The following RAB3GAP2 variants were observed in gnomAD, a reference collection of about 807,000 sequenced individuals.
RAB3GAP2 encodes rab3 GTPase-activating protein non-catalytic subunit.
A neutral mutation model predicts 185.3 loss-of-function variants in RAB3GAP2; 87 were observed. The observed-to-expected ratio is 0.47, with a 90% CI of 0.39 to 0.56. RAB3GAP2 has a LOEUF of 0.56. Among genes scored for constraint, RAB3GAP2 ranks in the 20% least tolerant of loss-of-function variants. The pLI is 0.00. For missense variants in RAB3GAP2, 1,492 were observed against 1,638.2 expected, an observed-to-expected ratio of 0.91 and a Z score of 1.54; for synonymous variants, 554 against 576.1, an observed-to-expected ratio of 0.96 and a Z score of 0.55.
At chr1:220,202,542 C>T (rs1322839372) in intron 8 of RAB3GAP2, among the ~76,000 whole-genome samples, 168 bp from the exon 9 acceptor site, 2 of 152,188 alleles carry the variant, frequency 1.3e-5, no homozygotes, top group African/African-American at 2.4e-5. Flanking sequence ...AGACAATGCA[C>T]GTAAAATGCA....
Position 220,213,990 on chromosome 1 carries a change from AACTACAATT to A in RAB3GAP2, c.181-20_181-12del. 1 of 1,613,002 alleles carries A rather than the reference AACTACAATT, an allele frequency of 6.2e-7. No homozygotes were observed. The highest frequency in any genetic ancestry group is 8.5e-7 in the Non-Finnish European group (1 of 1,179,240). Reference sequence around the variant, plus strand: ...ATTTCCTTCTTCTTCCTGTGGGTAAAACTACAATTACTGCATATGCAAAAATACCAAGAG... The same window carrying A: ...ATTTCCTTCTTCTTCCTGTGGGTAAAACTGCATATGCAAAAATACCAAGAG... On this transcript the variant is annotated splice_polypyrimidine_tract_variant and intron_variant, in intron 2 of 34. Coordinates refer to ENST00000358951, the MANE Select transcript of RAB3GAP2 (RefSeq NM_012414.4).
intron 24 of RAB3GAP2, 90 bp from the exon 25 acceptor site, chr1:220,167,765 T>G: frequency 7.7e-7 from 1 of 1,306,162 alleles, no homozygotes; most frequent in Non-Finnish European, 1.1e-6. Context: ...CGAAGAGATC[T>G]AAGTGCCACA....
At chr1:220,261,079 G>C (rs1326930315) in intron 1 of RAB3GAP2, among the ~76,000 whole-genome samples, 1 of 150,642 alleles carries the variant, frequency 6.6e-6, no homozygotes, top group East Asian at 1.9e-4. Context: ...TTAAAAAAAA[G>C]GGGGGGCAAT....
intron 7 of RAB3GAP2, among the ~76,000 whole-genome samples, chr1:220,206,273 A>T (rs1658964589): frequency 1.3e-5 from 2 of 152,216 alleles, no homozygotes; most frequent in African/African-American, 4.8e-5. Context: ...AATTTCATAA[A>T]AAGTAAATAT....
At chr1:220,270,327 A>G (rs939741822) in intron 1 of RAB3GAP2, among the ~76,000 whole-genome samples, 1 of 152,204 alleles carries the variant, frequency 6.6e-6, no homozygotes, top group Non-Finnish European at 1.5e-5. Flanking sequence ...CACAACATAC[A>G]TAATCCTTGA....
At chr1:220,256,193 G>A (rs557339006) in intron 1 of RAB3GAP2, among the ~76,000 whole-genome samples, 1 of 152,288 alleles carries the variant, frequency 6.6e-6, no homozygotes, top group Admixed American at 6.5e-5. Context: ...ATCCTTTTCC[G>A]ATAGGCAAAT....
intron 1 of RAB3GAP2, among the ~76,000 whole-genome samples, chr1:220,260,290 A>G (rs1018250836): frequency 6.7e-6 from 1 of 150,190 alleles, no homozygotes; most frequent in Non-Finnish European, 1.5e-5. Context: ...ACATGCCCAC[A>G]TATGTTCACT....
Position 220,182,250 on chromosome 1 carries a change from A to G in RAB3GAP2, c.2310+7T>C. ...AGAACAGCATCCAGCAACCAAAAAA[A>G]CCTTACCAACAACAGCTGAGGGCTA... On this transcript the variant is annotated splice_region_variant and intron_variant, in intron 21 of 34. Transcript: ENST00000358951. 1 of 1,613,908 alleles carries G rather than the reference A, an allele frequency of 6.2e-7. No individual in the cohort carries two copies. Among genetic ancestry groups the G allele is most frequent in the African/African-American group, 1.3e-5 (1 of 74,982 alleles).
At chr1:220,238,737 T>C (rs1406055329) in intron 1 of RAB3GAP2, among the ~76,000 whole-genome samples, 1 of 152,238 alleles carries the variant, frequency 6.6e-6, no homozygotes, top group African/African-American at 2.4e-5. Flanking sequence ...GTTAATCCTT[T>C]ATGAAGTTTT....
At chr1:220,174,019 CAAAAAAA>C (rs398050108) in intron 21 of RAB3GAP2, among the ~76,000 whole-genome samples, 11 of 51,006 alleles carry the variant, frequency 2.2e-4, no homozygotes, top group Admixed American at 6.3e-4. Context: ...GACTCTGTCT[CAAAAAAA>C]AAAAAAAAAA....
At chr1:220,200,733 G>A (rs1571897229) in intron 9 of RAB3GAP2, 2 of 471,046 alleles carry the variant, frequency 4.2e-6, no homozygotes, top group Non-Finnish European at 4.4e-6. Flanking sequence ...TTTACCAATA[G>A]GTTTTTATTA....
chr1:220,214,342 ATGG>A (rs775000124), intron 2 of RAB3GAP2, among the ~76,000 whole-genome samples: 60 of 152,342 alleles, frequency 3.9e-4, no homozygotes, highest in Admixed American at 7.8e-4. Context: ...CCTGGCCCAC[ATGG>A]TGAAATCCCA....
At chr1:220,225,968 A>G (rs1003649944) in intron 2 of RAB3GAP2, among the ~76,000 whole-genome samples, 1 of 152,198 alleles carries the variant, frequency 6.6e-6, no homozygotes, top group Non-Finnish European at 1.5e-5. Context: ...TAAACAAACA[A>G]TTCTCTGGGG....
At chr1:220,243,093 G>A (rs1189163993) in intron 1 of RAB3GAP2, among the ~76,000 whole-genome samples, 2 of 152,160 alleles carry the variant, frequency 1.3e-5, no homozygotes, top group Non-Finnish European at 2.9e-5. Context: ...GGCGGCTCAC[G>A]CCTGTAATCC....
chr1:220,260,112 G>C (rs1660105287), intron 1 of RAB3GAP2, among the ~76,000 whole-genome samples: 1 of 152,184 alleles, frequency 6.6e-6, no homozygotes, highest in African/African-American at 2.4e-5. Flanking sequence ...AGGTTGCAGA[G>C]AAAAAGGAAT....
At chr1:220,266,998 T>C (rs1351391788) in intron 1 of RAB3GAP2, 3 of 1,611,202 alleles carry the variant, frequency 1.9e-6, no homozygotes, top group Non-Finnish European at 2.5e-6. Flanking sequence ...CACCTTCTCA[T>C]CATGCATCCG....
At chr1:220,230,408 T>C (rs762261239) in intron 2 of RAB3GAP2, among the ~76,000 whole-genome samples, 15 of 152,216 alleles carry the variant, frequency 9.9e-5, no homozygotes, top group African/African-American at 2.9e-4. Flanking sequence ...CATTTTGACA[T>C]AGCATTAGAA....
At chr1:220,252,343 G>A (rs1659949074) in intron 1 of RAB3GAP2, among the ~76,000 whole-genome samples, 1 of 152,052 alleles carries the variant, frequency 6.6e-6, no homozygotes, top group Non-Finnish European at 1.5e-5. Flanking sequence ...TTCCCAATTA[G>A]CTTGTGTGTA....
chr1:220,149,559 T>TAAC lies in RAB3GAP2; in HGVS notation c.*1689_*1691dup, dbSNP rs1333407399. The TAAC allele has an allele frequency of 3.3e-5, 5 of 152,302 alleles. No homozygotes were observed. Among genetic ancestry groups the TAAC allele is most frequent in the Admixed American group, 1.3e-4 (2 of 15,300 alleles). The allele number at this position is 152,302 out of a possible 1,614,324, so 9.4% of individuals were successfully genotyped here. A position where few individuals can be genotyped will look rare whatever the true frequency, so the allele number is the denominator to read the frequency against. On this transcript the variant is annotated 3_prime_UTR_variant, in exon 35 of 35. Coordinates refer to ENST00000358951, the MANE Select transcript of RAB3GAP2 (RefSeq NM_012414.4). The stretch of plus-strand genomic sequence containing the variant: ...AAGAACTAATCTCTTAGAAAACATA[T>TAAC]AACAAGTGACTGTTAACACAGAGCC...
Sources: gnomAD v4.1 joint callset for allele counts (sites outside exome capture counted in the v4.1 genomes callset) on GRCh38, gnomAD v4.1.1 for gene constraint, MANE v1.5 for transcripts, NCBI Gene and HGNC (gene_info 2026-07-23, HGNC 2026-07-21) for gene names.